The following SDK1 variants were observed in gnomAD, a reference collection of about 807,000 sequenced individuals.
SDK1 encodes sidekick cell adhesion molecule 1.
SDK1 carries 157 observed loss-of-function variants against 245.5 expected under a neutral mutation model. That is an observed-to-expected ratio of 0.64 (90% CI 0.56 to 0.73). The LOEUF is 0.73. Among genes scored for constraint, SDK1 ranks in the 30% least tolerant of loss-of-function variants. The pLI, the probability that SDK1 is intolerant of heterozygous loss-of-function variation, is 0.00. For synonymous variants in SDK1, 1,647 were observed against 1,278.5 expected (o/e 1.29, Z -6.15); for missense variants, 3,583 against 3,002.3 (o/e 1.19, Z -4.52).
intron 1 of SDK1, among the ~76,000 whole-genome samples, chr7:3,441,304 T>C (rs1189385236): frequency 6.6e-6 from 1 of 152,158 alleles, no homozygotes; most frequent in African/African-American, 2.4e-5. Flanking sequence ...GTTTCAGGCA[T>C]TGACTGGGGC....
chr7:3,888,898 A>G (rs778335335), intron 5 of SDK1, among the ~76,000 whole-genome samples: 3 of 152,208 alleles, frequency 2.0e-5, no homozygotes, highest in Non-Finnish European at 4.4e-5. Context: ...AAGTTAATCT[A>G]TGTGTCTAAA....
At chr7:3,338,373 C>G (rs1360074575) in intron 1 of SDK1, 4 of 525,856 alleles carry the variant, frequency 7.6e-6, no homozygotes, top group Non-Finnish European at 1.4e-5. Flanking sequence ...GGGCACGACT[C>G]TTGCCAAGAG....
At chr7:4,108,295 A>G (rs1783083560) in intron 22 of SDK1, among the ~76,000 whole-genome samples, 1 of 152,036 alleles carries the variant, frequency 6.6e-6, no homozygotes. Flanking sequence ...GTTCGCCTAG[A>G]CCCTTCCCTT....
chr7:3,579,303 C>G lies in SDK1; in HGVS notation c.299-39777C>G, dbSNP rs181342230. Among the ~76,000 whole-genome samples, 415 of 152,232 alleles carry G rather than the reference C, an allele frequency of 2.7e-3. 4 individuals carry two copies. Among genetic ancestry groups the G allele is most frequent in the African/African-American group, 9.8e-3 (406 of 41,540 alleles). ...GCAACAAAATACCTGCAAACCAAGT[C>G]CAGCAGCACAAAAGGACTCCACCAT... On this transcript the variant is annotated intron_variant, in intron 1 of 44. Coordinates refer to ENST00000404826, the MANE Select transcript of SDK1 (RefSeq NM_152744.4).
chr7:3,319,444 C>T (rs548190127), intron 1 of SDK1, among the ~76,000 whole-genome samples: 30 of 152,212 alleles, frequency 2.0e-4, no homozygotes, highest in Non-Finnish European at 3.7e-4. Context: ...GTGTTCCCAT[C>T]TACACCCATG....
intron 44 of SDK1, among the ~76,000 whole-genome samples, chr7:4,261,978 C>T (rs2128244140): frequency 1.6e-5 from 2 of 121,762 alleles, no homozygotes; most frequent in South Asian, 5.6e-4. Flanking sequence ...CCTCCACCTT[C>T]TTAGGGGAAA....
intron 1 of SDK1, among the ~76,000 whole-genome samples, chr7:3,454,208 A>G (rs1583881154): frequency 6.6e-6 from 1 of 152,232 alleles, no homozygotes; most frequent in East Asian, 1.9e-4. Context: ...ATACATAAAA[A>G]TAATTTACAT....
intron 1 of SDK1, among the ~76,000 whole-genome samples, chr7:3,308,528 A>G (rs1262735284): frequency 3.3e-5 from 5 of 150,780 alleles, no homozygotes; most frequent in Non-Finnish European, 7.4e-5. Flanking sequence ...TATCAATTAA[A>G]TAGTCCAATT....
rs1291204042 is a variant in SDK1, at chr7:3,301,741, G to C, written c.155G>C (p.Arg52Pro). The C allele has an allele frequency of 1.0e-6, 1 of 979,904 alleles. No individual in the cohort carries two copies. The highest frequency in any genetic ancestry group is 1.8e-5 in the African/African-American group (1 of 56,324). 60.7% of individuals were successfully genotyped at this position (979,904 alleles called of 1,614,324 possible). The change falls in exon 1 of 45, where the codon CGG (arginine) becomes CCG (proline). Residue 52 changes from arginine (R) to proline (P), a missense_variant. Arg to Pro is a moderately radical substitution (Grantham distance 103). Coordinates refer to ENST00000404826, the MANE Select transcript of SDK1 (RefSeq NM_152744.4). The stretch of plus-strand genomic sequence containing the variant: ...CCCGGCCCGGAGCCCTCGCGACCCC[G>C]GGCGGCGCCCGAGACCTCCGGCGGG... ...PRPGPEPSRP[R>P]AAPETSGGDT...
intron 4 of SDK1, among the ~76,000 whole-genome samples, chr7:3,767,832 T>C (rs1202890906): frequency 1.3e-5 from 2 of 152,130 alleles, no homozygotes; most frequent in Admixed American, 1.3e-4. Flanking sequence ...ACAAAAAAAA[T>C]AGCACAACAA....
chr7:3,906,232 CGT>C, intron 5 of SDK1, among the ~76,000 whole-genome samples: 1 of 152,208 alleles, frequency 6.6e-6, no homozygotes, highest in African/African-American at 2.4e-5. Context: ...ACCTTTTCAT[CGT>C]GTTCTATTAT....
At position 3,424,703 on chromosome 7, in the gene SDK1, C is replaced by T. The variant is rs1583837221; in HGVS notation, c.298+122819C>T. Among the ~76,000 whole-genome samples the T allele has an allele frequency of 2.6e-5, 4 of 152,116 alleles. 1 individual carries two copies. Among genetic ancestry groups the T allele is most frequent in the African/African-American group, 2.4e-5 (1 of 41,492 alleles). On this transcript the variant is annotated intron_variant, in intron 1 of 44. Coordinates refer to ENST00000404826, the MANE Select transcript of SDK1 (RefSeq NM_152744.4). Reference sequence around the variant, plus strand: ...CTTGAGGCCGGGAGTTCGAGACCAGCCTGAACAATGTAAGGAGACTCTATC... The same window carrying T: ...CTTGAGGCCGGGAGTTCGAGACCAGTCTGAACAATGTAAGGAGACTCTATC...
chr7:3,863,431 A>G (rs1263157112), intron 5 of SDK1, among the ~76,000 whole-genome samples: 1 of 152,212 alleles, frequency 6.6e-6, no homozygotes, highest in East Asian at 1.9e-4. Flanking sequence ...TATATATTGC[A>G]TAAATGTTAC....
At chr7:3,550,337 C>G (rs1328418947) in intron 1 of SDK1, among the ~76,000 whole-genome samples, 1 of 152,170 alleles carries the variant, frequency 6.6e-6, no homozygotes, top group East Asian at 1.9e-4. Context: ...CTTCCCTTTT[C>G]TAAATGTAGT....
At chr7:3,315,383 A>G (rs1158566388) in intron 1 of SDK1, among the ~76,000 whole-genome samples, 1 of 148,172 alleles carries the variant, frequency 6.7e-6, no homozygotes, top group Middle Eastern at 3.4e-3. Context: ...CACTCACTTC[A>G]TAAGTGGTGG....
chr7:3,380,978 G>T (rs888410920), intron 1 of SDK1, among the ~76,000 whole-genome samples: 1 of 152,150 alleles, frequency 6.6e-6, no homozygotes, highest in Non-Finnish European at 1.5e-5. Flanking sequence ...GCACATTGCT[G>T]TTCAAAACAA....
intron 1 of SDK1, among the ~76,000 whole-genome samples, chr7:3,427,043 C>T (rs1779696880): frequency 6.6e-6 from 1 of 152,164 alleles, no homozygotes; most frequent in Non-Finnish European, 1.5e-5. Flanking sequence ...TCATTTTGCA[C>T]AGTGATGCAG....
intron 14 of SDK1, among the ~76,000 whole-genome samples, chr7:4,002,299 C>T (rs994819773): frequency 2.6e-5 from 4 of 152,216 alleles, no homozygotes; most frequent in African/African-American, 9.7e-5. Context: ...AGCCTCACCC[C>T]AAGCAGTTTA....
chr7:4,059,881 CTTT>C (rs538796519), intron 19 of SDK1, among the ~76,000 whole-genome samples: 6 of 139,796 alleles, frequency 4.3e-5, no homozygotes, highest in Admixed American at 7.2e-5. Context: ...TTAAAAATTT[CTTT>C]TTTTTTTTTT....
Sources: gnomAD v4.1 joint callset for allele counts (sites outside exome capture counted in the v4.1 genomes callset) on GRCh38, gnomAD v4.1.1 for gene constraint, MANE v1.5 for transcripts, NCBI Gene and HGNC (gene_info 2026-07-23, HGNC 2026-07-21) for gene names.